The following NRG3 variants were observed in gnomAD, a reference collection of about 807,000 sequenced individuals.
The protein encoded by NRG3 is neuregulin 3.
In NRG3, 31 loss-of-function variants were observed where a neutral mutation model predicts 66.9. That is an observed-to-expected ratio of 0.46 (90% CI 0.35 to 0.63). NRG3 has a LOEUF of 0.63. Among genes scored for constraint, NRG3 ranks in the 20% least tolerant of loss-of-function variants. The pLI, the probability that NRG3 is intolerant of heterozygous loss-of-function variation, is 0.00. For missense variants in NRG3, 910 were observed against 878.9 expected, an observed-to-expected ratio of 1.04 and a Z score of -0.45; for synonymous variants, 393 against 359.4, an observed-to-expected ratio of 1.09 and a Z score of -1.06.
At chr10:82,784,440 A>C (rs1198512918) in intron 3 of NRG3, among the ~76,000 whole-genome samples, 1 of 152,110 alleles carries the variant, frequency 6.6e-6, no homozygotes, top group African/African-American at 2.4e-5. Context: ...AATGGGAGAA[A>C]ATTTTTGCAA....
intron 1 of NRG3, among the ~76,000 whole-genome samples, chr10:81,891,781 G>A (rs1029182316): frequency 1.3e-5 from 2 of 152,128 alleles, no homozygotes; most frequent in African/African-American, 4.8e-5. Flanking sequence ...GAGACCCCAG[G>A]GTAAACTACT....
chr10:82,430,183 G>A (rs1451767031), intron 2 of NRG3, among the ~76,000 whole-genome samples: 1 of 152,004 alleles, frequency 6.6e-6, no homozygotes, highest in Non-Finnish European at 1.5e-5. Context: ...GTCCTTCTCA[G>A]AAACAATTTT....
At chr10:82,940,253 T>C (rs780676786) in intron 4 of NRG3, among the ~76,000 whole-genome samples, 1 of 152,160 alleles carries the variant, frequency 6.6e-6, no homozygotes, top group Non-Finnish European at 1.5e-5. Context: ...CACAATTCTT[T>C]TGTTTTCCAG....
intron 1 of NRG3, among the ~76,000 whole-genome samples, chr10:82,103,912 T>A (rs998008403): frequency 6.0e-5 from 9 of 150,230 alleles, no homozygotes; most frequent in Non-Finnish European, 1.2e-4. Context: ...GATTCCCCCA[T>A]ACTCTATGGT....
At chr10:82,282,971 ACTCATC>A (rs1266914490) in intron 1 of NRG3, among the ~76,000 whole-genome samples, 15 of 152,028 alleles carry the variant, frequency 9.9e-5, no homozygotes, top group African/African-American at 3.4e-4. Flanking sequence ...TGGGCTGATG[ACTCATC>A]CCAATCTCTT....
At chr10:82,049,716 T>C (rs1179198501) in intron 1 of NRG3, among the ~76,000 whole-genome samples, 1 of 152,038 alleles carries the variant, frequency 6.6e-6, no homozygotes, top group East Asian at 1.9e-4. Flanking sequence ...GGGCACTCTC[T>C]GCATCCAATT....
chr10:82,494,046 C>T (rs1326792838), intron 2 of NRG3, among the ~76,000 whole-genome samples: 1 of 152,206 alleles, frequency 6.6e-6, no homozygotes, highest in Non-Finnish European at 1.5e-5. Context: ...GAAATACCAT[C>T]TCACACCAGT....
Position 82,086,868 on chromosome 10 carries a change from G to A in NRG3, c.823+210705G>A, listed in dbSNP as rs1055719173. ...GGTGTTATCATTGCCTTCCAATCTC[G>A]TCTATCTCAAATGCTGTATCAATGT... On this transcript the variant is annotated intron_variant, in intron 1 of 8. Transcript: ENST00000372141. Among the ~76,000 whole-genome samples, 8 of 152,042 alleles carry A rather than the reference G, an allele frequency of 5.3e-5. 1 individual carries two copies. Among genetic ancestry groups the A allele is most frequent in the African/African-American group, 1.5e-4 (6 of 41,372 alleles).
At chr10:82,780,696 T>A (rs2060088672) in intron 3 of NRG3, among the ~76,000 whole-genome samples, 1 of 152,156 alleles carries the variant, frequency 6.6e-6, no homozygotes, top group Non-Finnish European at 1.5e-5. Context: ...AGTTTAATTT[T>A]GAGATACTAT....
At chr10:81,991,825 T>C (rs556727351) in intron 1 of NRG3, among the ~76,000 whole-genome samples, 84 of 152,248 alleles carry the variant, frequency 5.5e-4, no homozygotes, top group African/African-American at 1.9e-3. Context: ...CTATCACCCA[T>C]GAATATTTTA....
chr10:82,854,315 G>T (rs942515629), intron 3 of NRG3, among the ~76,000 whole-genome samples: 4 of 152,286 alleles, frequency 2.6e-5, no homozygotes, highest in Non-Finnish European at 5.9e-5. Context: ...GAAGACTTGG[G>T]AGTTCATCAG....
Position 82,237,380 on chromosome 10 carries a change from T to A in NRG3, c.824-121359T>A, listed in dbSNP as rs190421327. Among the ~76,000 whole-genome samples the A allele has an allele frequency of 2.7e-3, 408 of 152,342 alleles. 3 individuals are homozygous for A. The highest frequency in any genetic ancestry group is 7.8e-3 in the African/African-American group (323 of 41,580). ...CTCTATGAATACTCCATTCTTTTTG[T>A]CATTCCTTTTCTTAGAATCCTGTTT... On this transcript the variant is annotated intron_variant, in intron 1 of 8. Transcript: ENST00000372141.
chr10:82,480,261 T>C (rs1490697930), intron 2 of NRG3, among the ~76,000 whole-genome samples: 3 of 152,200 alleles, frequency 2.0e-5, no homozygotes, highest in Admixed American at 6.5e-5. Flanking sequence ...GTGGGAAATA[T>C]CTTAACATTA....
intron 1 of NRG3, among the ~76,000 whole-genome samples, chr10:82,288,666 A>G (rs1312571403): frequency 4.6e-5 from 7 of 152,346 alleles, no homozygotes; most frequent in African/African-American, 1.7e-4. Flanking sequence ...GAAATCCTCT[A>G]GAACTCACGA....
chr10:82,790,865 C>A (rs1340556093), intron 3 of NRG3, among the ~76,000 whole-genome samples: 1 of 151,402 alleles, frequency 6.6e-6, no homozygotes, highest in Non-Finnish European at 1.5e-5. Context: ...GTTTTTGAAC[C>A]CCTCTAGTGA....
intron 1 of NRG3, among the ~76,000 whole-genome samples, chr10:82,157,101 A>G (rs909013775): frequency 6.6e-6 from 1 of 151,682 alleles, no homozygotes; most frequent in African/African-American, 2.4e-5. Context: ...GGTATCTTTG[A>G]ATGTACTATT....
At chr10:82,124,098 A>G (rs983981133) in intron 1 of NRG3, among the ~76,000 whole-genome samples, 2 of 152,042 alleles carry the variant, frequency 1.3e-5, no homozygotes, top group African/African-American at 4.8e-5. Context: ...GCTTTAGATG[A>G]TAGGTAACTT....
chr10:82,426,496 G>GT (rs755002122), intron 2 of NRG3, among the ~76,000 whole-genome samples: 337 of 140,450 alleles, frequency 2.4e-3, no homozygotes, highest in African/African-American at 2.8e-3. Flanking sequence ...CTATTTTCAG[G>GT]TTTTTTTTTT....
At position 81,875,326 on chromosome 10, in the gene NRG3, A is replaced by C; in HGVS notation, c.-15A>C. 2 of 985,658 alleles carry C rather than the reference A, an allele frequency of 2.0e-6. No individual in the cohort carries two copies. The highest frequency in any genetic ancestry group is 2.4e-6 in the Non-Finnish European group (2 of 831,576). 61.1% of individuals were successfully genotyped at this position (985,658 alleles called of 1,614,324 possible). A position where few individuals can be genotyped will look rare whatever the true frequency, so the allele number is the denominator to read the frequency against. On this transcript the variant is annotated 5_prime_UTR_variant, in exon 1 of 9. Transcript: ENST00000372141. The surrounding 1 kb of genome is among the most constrained non-coding windows in gnomAD (Gnocchi z 5.3). ...GCGGCCCTCGGGGGGGCGAAGGTGA[A>C]GACCGGCTCCTAGGATGAGTGAAGG...
Sources: gnomAD v4.1 joint callset for allele counts (sites outside exome capture counted in the v4.1 genomes callset) on GRCh38, gnomAD v4.1.1 for gene constraint, Gnocchi (gnomAD v3.1) non-coding constraint, MANE v1.5 for transcripts, NCBI Gene and HGNC (gene_info 2026-07-23, HGNC 2026-07-21) for gene names.